Variants in UMAD1 observed in about 807,000 individuals in gnomAD.
UMAD1 encodes the protein UBAP1-MVB12-associated (UMA)-domain containing protein 1.
UMAD1 carries 8 observed loss-of-function variants against 6.1 expected under a neutral mutation model. The ratio of observed to expected loss-of-function variants is 1.30; its 90% CI spans 0.76 to 2.35. The LOEUF is 2.35. UMAD1 is among the 30% of genes most tolerant of loss of function. The probability of loss-of-function intolerance (pLI) is 0.00; values close to 1 mark genes in which losing one functional copy is unlikely to be tolerated. For synonymous variants in UMAD1, 56 were observed against 31.4 expected (o/e 1.78, Z -2.61); for missense variants, 130 against 78.4 (o/e 1.66, Z -2.49).
chr7:7,646,203 A>G (rs2115545647), intron 1 of UMAD1, among the ~76,000 whole-genome samples: 1 of 152,308 alleles, frequency 6.6e-6, no homozygotes, highest in Middle Eastern at 3.4e-3. Context: ...CTTGTCTAGC[A>G]TCGAGGAGGA....
At chr7:7,789,611 A>C (rs78687240) in intron 2 of UMAD1, among the ~76,000 whole-genome samples, 1 of 125,764 alleles carries the variant, frequency 8.0e-6, no homozygotes, top group African/African-American at 2.7e-5. Context: ...TAAACAAAAT[A>C]CCCCTTCTCC....
chr7:7,800,367 A>G (rs1245197890), intron 2 of UMAD1, among the ~76,000 whole-genome samples: 1 of 152,266 alleles, frequency 6.6e-6, no homozygotes, highest in Non-Finnish European at 1.5e-5. Flanking sequence ...TTAAATATAT[A>G]AGCTACCAAT....
At chr7:7,835,246 G>C (rs1783543390) in intron 3 of UMAD1, among the ~76,000 whole-genome samples, 1 of 151,914 alleles carries the variant, frequency 6.6e-6, no homozygotes, top group Non-Finnish European at 1.5e-5. Context: ...TGTGTATCTT[G>C]ATCTTGTTAT....
rs913699369 is a variant in UMAD1 at position 7,677,831 on chromosome 7, G to A, written c.82+4378G>A. Reference sequence around the variant, plus strand: ...TGGGACTACAGGCGCCCGCCACTACGCCCGGCTAATTTTTTGTATTTTTAG... The same window carrying A: ...TGGGACTACAGGCGCCCGCCACTACACCCGGCTAATTTTTTGTATTTTTAG... On this transcript the variant is annotated intron_variant, in intron 2 of 3. Coordinates refer to ENST00000682710, the MANE Select transcript of UMAD1 (RefSeq NM_001302348.2). Among the ~76,000 whole-genome samples the A allele has an allele frequency of 4.6e-5, 7 of 150,746 alleles. No homozygotes were observed. The East Asian group carries it at 9.7e-4, about 21-fold the overall frequency.
At chr7:7,708,731 G>A (rs565321832) in intron 2 of UMAD1, among the ~76,000 whole-genome samples, 2 of 152,170 alleles carry the variant, frequency 1.3e-5, no homozygotes, top group South Asian at 2.1e-4. Context: ...TGACTGAAAC[G>A]AGCAACTATG....
chr7:7,833,891 G>C (rs1481924677), intron 3 of UMAD1, among the ~76,000 whole-genome samples: 1 of 151,940 alleles, frequency 6.6e-6, no homozygotes, highest in Admixed American at 6.6e-5. Context: ...ACAAAAGTCT[G>C]CTTCCCATCT....
chr7:7,805,632 A>G (rs1032049217), intron 3 of UMAD1, among the ~76,000 whole-genome samples: 1 of 152,166 alleles, frequency 6.6e-6, no homozygotes, highest in African/African-American at 2.4e-5. Context: ...GCAGTGGGCT[A>G]CAAGGAACTC....
chr7:7,808,418 G>C (rs115114962), intron 3 of UMAD1, among the ~76,000 whole-genome samples: 1 of 152,014 alleles, frequency 6.6e-6, no homozygotes, highest in African/African-American at 2.4e-5. Flanking sequence ...TTTTCAATTT[G>C]TAGTCTTGGA....
chr7:7,693,695 A>G (rs1780235286), intron 2 of UMAD1, among the ~76,000 whole-genome samples: 1 of 152,080 alleles, frequency 6.6e-6, no homozygotes, highest in Admixed American at 6.5e-5. Flanking sequence ...TTTTATAATG[A>G]CTTTATTACA....
intron 2 of UMAD1, among the ~76,000 whole-genome samples, chr7:7,770,773 G>C (rs1332050887): frequency 6.6e-6 from 1 of 152,078 alleles, no homozygotes; most frequent in African/African-American, 2.4e-5. Context: ...ATGAGGAGCA[G>C]GTTTTATGGA....
intron 3 of UMAD1, among the ~76,000 whole-genome samples, chr7:7,814,811 T>G (rs894454904): frequency 6.6e-6 from 1 of 152,076 alleles, no homozygotes; most frequent in African/African-American, 2.4e-5. Context: ...ATGCCTCAGG[T>G]GGAGTATGGC....
chr7:7,707,861 G>C (rs1032323764), intron 2 of UMAD1, among the ~76,000 whole-genome samples: 3 of 152,118 alleles, frequency 2.0e-5, no homozygotes, highest in African/African-American at 7.2e-5. Context: ...TAGTTATTTT[G>C]CTATGTGAGC....
At chr7:7,677,814 C>CCAATT (rs1779786018) in intron 2 of UMAD1, among the ~76,000 whole-genome samples, 1 of 150,024 alleles carries the variant, frequency 6.7e-6, no homozygotes, top group Non-Finnish European at 1.5e-5. Context: ...GCTGGGACTA[C>CCAATT]AGGCGCCCGC....
chr7:7,836,587 TA>T (rs1394414787), intron 3 of UMAD1, among the ~76,000 whole-genome samples: 1 of 151,940 alleles, frequency 6.6e-6, no homozygotes, highest in Non-Finnish European at 1.5e-5. Context: ...ATATCTCATA[TA>T]ACACAAACTA....
At chr7:7,669,677 C>A (rs1779556755) in intron 1 of UMAD1, among the ~76,000 whole-genome samples, 1 of 152,170 alleles carries the variant, frequency 6.6e-6, no homozygotes, top group South Asian at 2.1e-4. Flanking sequence ...CATGTTCCCA[C>A]AGAACAACAT....
At chr7:7,677,410 C>T (rs1052098354) in intron 2 of UMAD1, among the ~76,000 whole-genome samples, 2 of 151,844 alleles carry the variant, frequency 1.3e-5, no homozygotes, top group Non-Finnish European at 2.9e-5. Flanking sequence ...TTTCTGCTAC[C>T]CTTCCTTGCC....
intron 2 of UMAD1, among the ~76,000 whole-genome samples, chr7:7,755,435 CTT>C (rs1346088982): frequency 2.6e-5 from 4 of 152,174 alleles, no homozygotes; most frequent in Non-Finnish European, 4.4e-5. Context: ...TATACTGTGT[CTT>C]AAGAATTTGT....
At chr7:7,741,907 A>C (rs1252065644) in intron 2 of UMAD1, 2 of 200,720 alleles carry the variant, frequency 1.0e-5, no homozygotes, top group African/African-American at 5.0e-5. Flanking sequence ...TAAACAAAAA[A>C]TATTTTTATT....
At chr7:7,778,199 G>A (rs779498816) in intron 2 of UMAD1, among the ~76,000 whole-genome samples, 9 of 149,878 alleles carry the variant, frequency 6.0e-5, no homozygotes, top group African/African-American at 1.7e-4. Flanking sequence ...CCAACCAGCC[G>A]TCATCTTGGC....
Sources: allele counts gnomAD v4.1 joint callset (sites outside exome capture counted in the v4.1 genomes callset), GRCh38; gene constraint gnomAD v4.1.1; transcripts MANE v1.5; gene names NCBI Gene and HGNC (gene_info 2026-07-23, HGNC 2026-07-21).